Variants in PCDH17 observed in about 807,000 individuals in gnomAD.
PCDH17 encodes the protein protocadherin-17.
A neutral mutation model predicts 67.7 loss-of-function variants in PCDH17; 21 were observed. The ratio of observed to expected loss-of-function variants is 0.31; its 90% CI spans 0.22 to 0.45. The LOEUF is 0.45. Among genes scored for constraint, PCDH17 ranks in the 20% least tolerant of loss-of-function variants. The probability of loss-of-function intolerance (pLI) is 1.00; values close to 1 mark genes in which losing one functional copy is unlikely to be tolerated. For missense variants in PCDH17, 1,471 were observed against 1,564.8 expected (o/e 0.94, Z 1.01); for synonymous variants, 701 against 656.7 (o/e 1.07, Z -1.03).
intron 3 of PCDH17, among the ~76,000 whole-genome samples, chr13:57,668,004 T>G (rs1459078446): frequency 6.6e-6 from 1 of 151,420 alleles, no homozygotes; most frequent in Non-Finnish European, 1.5e-5. Context: ...AAAGCTGTTT[T>G]CTAAGTAGTA....
intron 3 of PCDH17, among the ~76,000 whole-genome samples, chr13:57,712,636 T>C (rs1289374303): frequency 2.6e-5 from 4 of 151,592 alleles, no homozygotes; most frequent in Non-Finnish European, 5.9e-5. Context: ...TCCTTGAAAA[T>C]ACCTTTGGTA....
intron 3 of PCDH17, among the ~76,000 whole-genome samples, chr13:57,715,817 A>G (rs1955811981): frequency 6.6e-6 from 1 of 151,916 alleles, no homozygotes; most frequent in African/African-American, 2.4e-5. Context: ...AATATTTCAA[A>G]TACTTTACCA....
At chr13:57,675,956 A>G (rs1955387076) in intron 3 of PCDH17, among the ~76,000 whole-genome samples, 1 of 151,998 alleles carries the variant, frequency 6.6e-6, no homozygotes, top group South Asian at 2.1e-4. Context: ...GCGATTAAAA[A>G]CTTGTTTTGA....
At chr13:57,680,236 T>C (rs1330941396) in intron 3 of PCDH17, among the ~76,000 whole-genome samples, 1 of 151,520 alleles carries the variant, frequency 6.6e-6, no homozygotes, top group Non-Finnish European at 1.5e-5. Flanking sequence ...CATGAGCTTG[T>C]AATACGATCT....
chr13:57,705,162 T>C, intron 3 of PCDH17, among the ~76,000 whole-genome samples: 1 of 152,002 alleles, frequency 6.6e-6, no homozygotes, highest in South Asian at 2.1e-4. Flanking sequence ...GCATTTGTAC[T>C]AAATTGAGAA....
chr13:57,723,943 A>T (rs1310723534), intron 3 of PCDH17, among the ~76,000 whole-genome samples: 1 of 152,180 alleles, frequency 6.6e-6, no homozygotes, highest in African/African-American at 2.4e-5. Context: ...TCACCTACTT[A>T]CACCCAAAAC....
rs1955915207 is a variant in PCDH17 at position 57,726,176 on chromosome 13, T to A, written c.*882T>A. Reference sequence around the variant, plus strand: ...TGGTAAGATTCAGAGAAAATTAACTTGATTAATATGTTTTATTCATTTGTG... The same window carrying A: ...TGGTAAGATTCAGAGAAAATTAACTAGATTAATATGTTTTATTCATTTGTG... On this transcript the variant is annotated 3_prime_UTR_variant, in exon 4 of 4. Coordinates refer to ENST00000377918, the MANE Select transcript of PCDH17 (RefSeq NM_001040429.3). 1.3e-5 allele frequency: 2 copies of A among 152,596 alleles called. No homozygotes were observed. The highest frequency in any genetic ancestry group is 4.8e-5 in the African/African-American group (2 of 41,440). The allele number at this position is 152,596 out of a possible 1,614,324, so 9.5% of individuals were successfully genotyped here.
chr13:57,652,662 G>A (rs1955056738), intron 1 of PCDH17, among the ~76,000 whole-genome samples: 1 of 152,088 alleles, frequency 6.6e-6, no homozygotes, highest in African/African-American at 2.4e-5. Context: ...ATTTGGATGC[G>A]TACAATTGCT....
chr13:57,725,157 G>T lies in PCDH17; in HGVS notation c.3343G>T (p.Gly1115Cys). The T allele has an allele frequency of 6.2e-7, 1 of 1,614,162 alleles. No homozygotes were observed. Among genetic ancestry groups the T allele is most frequent in the Non-Finnish European group, 8.5e-7 (1 of 1,180,004 alleles). The change falls in exon 4 of 4, where the codon GGT (glycine) becomes TGT (cysteine). Residue 1115 changes from glycine to cysteine, a missense_variant. Gly to Cys is a radical substitution (Grantham distance 159). Coordinates refer to ENST00000377918, the MANE Select transcript of PCDH17 (RefSeq NM_001040429.3). ...SRASRDSSEM[G>C]AVLEQLDHPN... Reference sequence around the variant, plus strand: ...AGCCAGCCGGGATTCCAGTGAGATGGGTGCTGTTCTTGAGCAGCTTGACCA... The same window carrying T: ...AGCCAGCCGGGATTCCAGTGAGATGTGTGCTGTTCTTGAGCAGCTTGACCA...
intron 3 of PCDH17, among the ~76,000 whole-genome samples, chr13:57,703,815 A>G (rs1484123180): frequency 6.6e-6 from 1 of 152,128 alleles, no homozygotes; most frequent in Non-Finnish European, 1.5e-5. Flanking sequence ...CTACTTAATT[A>G]TGACCTTTTT....
intron 3 of PCDH17, among the ~76,000 whole-genome samples, chr13:57,684,520 A>G (rs1265490895): frequency 1.3e-5 from 2 of 151,930 alleles, no homozygotes; most frequent in African/African-American, 4.8e-5. Context: ...CAAAATGTAT[A>G]AACAATAGTT....
chr13:57,689,412 A>G (rs1955537181), intron 3 of PCDH17, among the ~76,000 whole-genome samples: 1 of 152,028 alleles, frequency 6.6e-6, no homozygotes, highest in African/African-American at 2.4e-5. Flanking sequence ...AGATAGTGAA[A>G]GGAGAATGTA....
At chr13:57,688,426 A>G (rs993855656) in intron 3 of PCDH17, among the ~76,000 whole-genome samples, 1 of 152,100 alleles carries the variant, frequency 6.6e-6, no homozygotes, top group African/African-American at 2.4e-5. Flanking sequence ...CAATTGACAT[A>G]ATTGACACAT....
chr13:57,640,312 C>T (rs748997034), intron 1 of PCDH17, among the ~76,000 whole-genome samples: 5 of 151,940 alleles, frequency 3.3e-5, no homozygotes, highest in Non-Finnish European at 7.4e-5. Flanking sequence ...AATTCACATG[C>T]ATTTATTGCA....
intron 3 of PCDH17, among the ~76,000 whole-genome samples, chr13:57,699,832 A>T (rs1404912000): frequency 6.6e-6 from 1 of 152,060 alleles, no homozygotes; most frequent in Non-Finnish European, 1.5e-5. Context: ...AAAAATGTAT[A>T]TTCTTTTCCA....
At chr13:57,683,513 A>G (rs1955477920) in intron 3 of PCDH17, among the ~76,000 whole-genome samples, 1 of 151,906 alleles carries the variant, frequency 6.6e-6, no homozygotes, top group African/African-American at 2.4e-5. Flanking sequence ...AGAAAAACTT[A>G]GGTTAGGTTT....
intron 3 of PCDH17, among the ~76,000 whole-genome samples, chr13:57,690,059 A>G (rs1334827935): frequency 1.9e-4 from 29 of 151,992 alleles, no homozygotes; most frequent in Non-Finnish European, 4.0e-4. Flanking sequence ...AAGTAAAATT[A>G]GTAGGCTATA....
At chr13:57,636,098 C>A (rs1376520372) in intron 1 of PCDH17, among the ~76,000 whole-genome samples, 1 of 151,938 alleles carries the variant, frequency 6.6e-6, no homozygotes, top group Non-Finnish European at 1.5e-5. Context: ...AATGACTGAC[C>A]CAGCTTGGAC....
intron 1 of PCDH17, 45 bp downstream of exon 1, chr13:57,635,156 T>G: frequency 6.3e-7 from 1 of 1,599,464 alleles, no homozygotes; most frequent in Non-Finnish European, 8.5e-7. Context: ...TATTGCTGGT[T>G]TTGGAGCTGT....
Sources: allele counts gnomAD v4.1 joint callset (sites outside exome capture counted in the v4.1 genomes callset), GRCh38; gene constraint gnomAD v4.1.1; transcripts MANE v1.5; gene names NCBI Gene and HGNC (gene_info 2026-07-23, HGNC 2026-07-21).